The following TMEM117 variants were observed in gnomAD, a reference collection of about 807,000 sequenced individuals.
TMEM117 encodes the protein transmembrane protein 117.
In TMEM117, 27 loss-of-function variants were observed where a neutral mutation model predicts 52.4. The observed-to-expected ratio is 0.51, with a 90% CI of 0.38 to 0.71. The LOEUF (loss-of-function observed/expected upper bound fraction) is 0.71. Ranked by LOEUF, TMEM117 falls within the 30% of genes least tolerant of loss-of-function variation. The probability of loss-of-function intolerance (pLI) is 0.00; values close to 1 mark genes in which losing one functional copy is unlikely to be tolerated. For missense variants in TMEM117, 556 were observed against 630.5 expected (o/e 0.88, Z 1.26); for synonymous variants, 215 against 206.3 (o/e 1.04, Z -0.36).
At chr12:43,834,143 TATA>T (rs1358810847), upstream of TMEM117, among the ~76,000 whole-genome samples, 2 of 152,196 alleles carry the variant, frequency 1.3e-5, no homozygotes, top group African/African-American at 4.8e-5. Context: ...CAGTATTCTG[TATA>T]ATTTGTGAAG....
chr12:44,175,650 G>C (rs907499932), intron 4 of TMEM117, among the ~76,000 whole-genome samples: 5 of 152,108 alleles, frequency 3.3e-5, no homozygotes, highest in Non-Finnish European at 7.4e-5. Context: ...CAAGGTAAAG[G>C]CCCAATGAAT....
chr12:43,959,099 G>A (rs530300320), intron 3 of TMEM117, among the ~76,000 whole-genome samples: 5 of 152,220 alleles, frequency 3.3e-5, no homozygotes, highest in South Asian at 2.1e-4. Context: ...GAGCCACCGC[G>A]CCCGGCCAAA....
At chr12:43,918,899 T>C (rs1014269037) in intron 2 of TMEM117, among the ~76,000 whole-genome samples, 12 of 152,360 alleles carry the variant, frequency 7.9e-5, no homozygotes, top group African/African-American at 2.6e-4. Context: ...GTAACTGCAC[T>C]TGAAGTTTTC....
intron 3 of TMEM117, among the ~76,000 whole-genome samples, chr12:44,000,662 C>T (rs544914894): frequency 6.6e-6 from 1 of 152,152 alleles, no homozygotes. Context: ...CCTTGCCCAC[C>T]TCCAGAATGA....
intron 5 of TMEM117, among the ~76,000 whole-genome samples, chr12:44,252,360 C>A (rs1456562117): frequency 6.6e-6 from 1 of 152,048 alleles, no homozygotes; most frequent in Non-Finnish European, 1.5e-5. Context: ...AAAAATTAGC[C>A]AGGTGTGGCA....
chr12:44,213,861 G>A (rs1017798935), intron 5 of TMEM117, among the ~76,000 whole-genome samples: 5 of 152,102 alleles, frequency 3.3e-5, no homozygotes, highest in Middle Eastern at 3.2e-3. Flanking sequence ...TAAATTACCC[G>A]TTCTTGGGTA....
At chr12:44,006,697 C>T (rs1459920713) in intron 3 of TMEM117, among the ~76,000 whole-genome samples, 9 of 152,114 alleles carry the variant, frequency 5.9e-5, no homozygotes, top group Admixed American at 2.0e-4. Flanking sequence ...TAACCAGATA[C>T]ATACATATAG....
chr12:44,296,499 A>G (rs1201591119), intron 5 of TMEM117, among the ~76,000 whole-genome samples: 1 of 152,176 alleles, frequency 6.6e-6, no homozygotes, highest in Non-Finnish European at 1.5e-5. Flanking sequence ...CAGGATCTAC[A>G]TTCAGCCTGA....
At chr12:44,120,964 A>T (rs1405632681) in intron 3 of TMEM117, among the ~76,000 whole-genome samples, 2 of 152,230 alleles carry the variant, frequency 1.3e-5, no homozygotes, top group African/African-American at 4.8e-5. Flanking sequence ...GGCAATTTAC[A>T]AAAGAAAGAG....
chr12:44,214,138 A>ATTTTT lies in TMEM117; in HGVS notation c.608+2773_608+2777dup, dbSNP rs773352634. Among the ~76,000 whole-genome samples, 9 of 99,284 alleles carry ATTTTT rather than the reference A, an allele frequency of 9.1e-5. No homozygotes were observed. The East Asian group carries it at 1.7e-3, about 19-fold the overall frequency. 65.1% of individuals were successfully genotyped at this position (99,284 alleles called of 152,430 possible). ...CAATGTCTTACAAATTTTTTTTTTAATTTTTTTTTTTTTTTTTTTTTTTTT... is the reference window on the plus strand; with the variant it reads ...CAATGTCTTACAAATTTTTTTTTTAATTTTTTTTTTTTTTTTTTTTTTTTTTTTTT... On this transcript the variant is annotated intron_variant, in intron 5 of 7. Transcript: ENST00000266534.
chr12:44,361,612 C>T (rs531014642), intron 6 of TMEM117, among the ~76,000 whole-genome samples: 49 of 152,178 alleles, frequency 3.2e-4, no homozygotes, highest in African/African-American at 1.1e-3. Context: ...CTTCCCACCG[C>T]GCATCTACTA....
chr12:44,026,129 T>A (rs893919665), intron 3 of TMEM117, among the ~76,000 whole-genome samples: 2 of 152,220 alleles, frequency 1.3e-5, no homozygotes, highest in African/African-American at 4.8e-5. Context: ...CTTGTGATTA[T>A]TCTCATTCTT....
chr12:44,254,011 C>CAAAAAAAAAAAAAAAAAAAA (rs199912435), intron 5 of TMEM117, among the ~76,000 whole-genome samples: 1 of 90,094 alleles, frequency 1.1e-5, no homozygotes, highest in Non-Finnish European at 2.5e-5. Context: ...CTCATTTGAC[C>CAAAAAAAAAAAAAAAAAAAA]AAAAAAAAAA....
At chr12:44,217,844 C>T (rs1371035928) in intron 5 of TMEM117, among the ~76,000 whole-genome samples, 1 of 152,162 alleles carries the variant, frequency 6.6e-6, no homozygotes, top group African/African-American at 2.4e-5. Flanking sequence ...TGATATCTTT[C>T]AATTGTGTTA....
At chr12:44,286,542 G>T (rs537723211) in intron 5 of TMEM117, among the ~76,000 whole-genome samples, 10 of 151,968 alleles carry the variant, frequency 6.6e-5, no homozygotes, top group Non-Finnish European at 1.0e-4. Flanking sequence ...TCTCTCTTTT[G>T]ATTTAATGAC....
At chr12:44,014,517 C>A (rs190412315) in intron 3 of TMEM117, among the ~76,000 whole-genome samples, 2 of 152,286 alleles carry the variant, frequency 1.3e-5, no homozygotes, top group East Asian at 3.9e-4. Context: ...GCTCCTAAAT[C>A]TGGGATAACA....
intron 7 of TMEM117, among the ~76,000 whole-genome samples, chr12:44,386,297 G>T (rs1287830944): frequency 6.6e-6 from 1 of 152,020 alleles, no homozygotes; most frequent in African/African-American, 2.4e-5. Flanking sequence ...TATGAACCTG[G>T]TTTAGTTTTG....
intron 3 of TMEM117, among the ~76,000 whole-genome samples, chr12:44,073,043 T>G (rs914909021): frequency 2.0e-5 from 3 of 151,588 alleles, no homozygotes; most frequent in African/African-American, 7.3e-5. Flanking sequence ...TGAGCTGAGG[T>G]CGTACTACTG....
chr12:44,310,626 G>A (rs574071147), intron 6 of TMEM117, among the ~76,000 whole-genome samples: 2 of 152,274 alleles, frequency 1.3e-5, no homozygotes, highest in East Asian at 3.9e-4. Context: ...CAACAAGAGC[G>A]AAACTCCGTC....
Sources: allele counts gnomAD v4.1 joint callset (sites outside exome capture counted in the v4.1 genomes callset), GRCh38; gene constraint gnomAD v4.1.1; transcripts MANE v1.5; gene names NCBI Gene and HGNC (gene_info 2026-07-23, HGNC 2026-07-21).